EMB: variants seen among roughly 807,000 people sequenced by gnomAD.
EMB encodes the protein embigin homolog.
Under a neutral mutation model 41.4 loss-of-function variants are expected in EMB, and 31 were observed. The observed-to-expected ratio is 0.75, with a 90% CI of 0.56 to 1.01. The LOEUF (loss-of-function observed/expected upper bound fraction) is 1.01. Ranked by LOEUF, EMB falls within the 50% of genes least tolerant of loss-of-function variation. The pLI, the probability that EMB is intolerant of heterozygous loss-of-function variation, is 0.00. For missense variants in EMB, 379 were observed against 388.3 expected (o/e 0.98, Z 0.20); for synonymous variants, 137 against 140.4 (o/e 0.98, Z 0.17).
chr5:50,440,099 CAT>C (rs1321953165), intron 1 of EMB, among the ~76,000 whole-genome samples: 2 of 152,172 alleles, frequency 1.3e-5, no homozygotes, highest in Admixed American at 1.3e-4. Flanking sequence ...AAATCTCACA[CAT>C]ACACACACAC....
intron 2 of EMB, among the ~76,000 whole-genome samples, chr5:50,426,113 T>G (rs1021001123): frequency 2.6e-5 from 4 of 152,240 alleles, no homozygotes; most frequent in East Asian, 1.9e-4. Flanking sequence ...GATTTAATAA[T>G]GCTGTTAAAA....
chr5:50,428,113 A>G, intron 2 of EMB, 31 bp downstream of exon 2: 1 of 1,501,032 alleles, frequency 6.7e-7, no homozygotes, highest in Non-Finnish European at 9.1e-7. Flanking sequence ...CTTTTTTTCG[A>G]ATTGCATTAT....
At chr5:50,436,518 G>A (rs1184912366) in intron 1 of EMB, among the ~76,000 whole-genome samples, 2 of 152,114 alleles carry the variant, frequency 1.3e-5, no homozygotes, top group Non-Finnish European at 2.9e-5. Context: ...TCCATCGCTG[G>A]TCTGACCCTC....
At chr5:50,427,379 G>C (rs1745629314) in intron 2 of EMB, among the ~76,000 whole-genome samples, 1 of 151,926 alleles carries the variant, frequency 6.6e-6, no homozygotes, top group Non-Finnish European at 1.5e-5. Context: ...GAAGGCACTA[G>C]AGCAACAACC....
In EMB at chr5:50,433,971, C is replaced by T. The variant is rs189193176; in HGVS notation, c.113-5744G>A. On this transcript the variant is annotated intron_variant, in intron 1 of 8. Coordinates refer to ENST00000303221, the MANE Select transcript of EMB (RefSeq NM_198449.3). ...CTGTCTTTACATGATCATCCTCCCT[C>T]TGTATATGTCTCTGTCTCTGTTCAA... Among the ~76,000 whole-genome samples, 421 of 152,318 alleles carry T rather than the reference C, an allele frequency of 2.8e-3. 3 individuals carry two copies. Among genetic ancestry groups the T allele is most frequent in the African/African-American group, 9.4e-3 (390 of 41,564 alleles).
intron 7 of EMB, among the ~76,000 whole-genome samples, 153 bp downstream of exon 7, chr5:50,402,133 G>A (rs539085572): frequency 1.3e-5 from 2 of 152,050 alleles, no homozygotes; most frequent in Non-Finnish European, 2.9e-5. Flanking sequence ...ACGCAGGTAG[G>A]CAGACTTGGA....
upstream of EMB, chr5:50,441,294 A>T: frequency 4.7e-6 from 2 of 423,462 alleles, no homozygotes; most frequent in Admixed American, 4.5e-5. Context: ...AAAAGGCGGA[A>T]TGGGAGGGGC....
chr5:50,415,253 C>A (rs1745410513), intron 2 of EMB, among the ~76,000 whole-genome samples: 1 of 152,118 alleles, frequency 6.6e-6, no homozygotes, highest in Non-Finnish European at 1.5e-5. Flanking sequence ...TATCTAATTT[C>A]TCTTGGCCAG....
intron 1 of EMB, among the ~76,000 whole-genome samples, chr5:50,439,523 T>A (rs1745861218): frequency 6.6e-6 from 1 of 150,668 alleles, no homozygotes; most frequent in African/African-American, 2.5e-5. Context: ...GAAGGGACCT[T>A]GCTATGTTGC....
At chr5:50,413,189 C>T (rs1432427416) in intron 2 of EMB, among the ~76,000 whole-genome samples, 2 of 152,166 alleles carry the variant, frequency 1.3e-5, no homozygotes, top group South Asian at 2.1e-4. Flanking sequence ...GTATCACTGG[C>T]TAACCAAACA....
At chr5:50,434,116 T>C (rs974644987) in intron 1 of EMB, among the ~76,000 whole-genome samples, 3 of 152,216 alleles carry the variant, frequency 2.0e-5, no homozygotes, top group Admixed American at 6.5e-5. Context: ...AAGGTCACTT[T>C]CACAGGTACC....
rs1359821022 is a variant in EMB at position 50,411,290 on chromosome 5, T to C, written c.290A>G (p.Asn97Ser). The C allele has an allele frequency of 6.2e-7, 1 of 1,613,166 alleles. No homozygotes were observed. The highest frequency in any genetic ancestry group is 8.5e-7 in the Non-Finnish European group (1 of 1,179,506). Residue 97 changes from asparagine (N) to serine (S), a missense_variant, in exon 3 of 9, where the codon AAT (asparagine) becomes AGT (serine). Physicochemically the swap from Asn to Ser is conservative, Grantham distance 46. Transcript: ENST00000303221. ...TCQFTTSGDL[N>S]AVNVTWKKDG... The stretch of plus-strand genomic sequence containing the variant: ...TTTTTTCCAAGTCACATTTACTGCA[T>C]TCAAATCCCCAGATGTTGTGAACTG...
chr5:50,399,928 A>G lies in EMB; in HGVS notation c.912-15T>C, dbSNP rs1415750334. 1.9e-6 allele frequency: 3 copies of G among 1,590,758 alleles called. No homozygotes were observed. The highest frequency in any genetic ancestry group is 2.6e-6 in the Non-Finnish European group (3 of 1,166,248). ...CATCTGATTTCCTGCACAGAAAACAAAAAAGAAAATTACTAAATGCTTATA... is the reference window on the plus strand; with the variant it reads ...CATCTGATTTCCTGCACAGAAAACAGAAAAGAAAATTACTAAATGCTTATA... On this transcript the variant is annotated splice_polypyrimidine_tract_variant and intron_variant, in intron 7 of 8. Coordinates refer to ENST00000303221, the MANE Select transcript of EMB (RefSeq NM_198449.3).
intron 1 of EMB, among the ~76,000 whole-genome samples, chr5:50,431,086 C>T (rs1351795955): frequency 6.6e-6 from 1 of 152,208 alleles, no homozygotes; most frequent in African/African-American, 2.4e-5. Context: ...ATAAACCAAA[C>T]ACCACCAGTA....
intron 2 of EMB, among the ~76,000 whole-genome samples, chr5:50,426,761 A>G (rs1579739045): frequency 6.6e-6 from 1 of 152,248 alleles, no homozygotes; most frequent in African/African-American, 2.4e-5. Flanking sequence ...AAAACACTCC[A>G]TTTACAAATA....
chr5:50,443,203 T>A (rs1745944601), upstream of EMB: 1 of 152,146 alleles, frequency 6.6e-6, no homozygotes, highest in African/African-American at 2.4e-5. Flanking sequence ...TCAAAATTCA[T>A]CTCAGAGTAT....
At chr5:50,428,471 T>C (rs1175956110) in intron 1 of EMB, 33 of 1,134,758 alleles carry the variant, frequency 2.9e-5, no homozygotes, top group Non-Finnish European at 3.6e-5. Context: ...CAGATGGCTT[T>C]TTTTAAATAA....
Position 50,402,275 on chromosome 5 carries a change from A to G in EMB, c.911+11T>C, listed in dbSNP as rs1365697237. On this transcript the variant is annotated intron_variant, in intron 7 of 8. Transcript: ENST00000303221. The stretch of plus-strand genomic sequence containing the variant: ...CCAAGTGAAAATTAATCTGTAAAAA[A>G]TAATACTTACAGCTGTTCAATCTGC... 1 of 1,607,598 alleles carries G rather than the reference A, an allele frequency of 6.2e-7. No homozygotes were observed. Among genetic ancestry groups the G allele is most frequent in the Non-Finnish European group, 8.5e-7 (1 of 1,175,062 alleles).
chr5:50,401,813 C>T (rs1349366920), intron 7 of EMB, among the ~76,000 whole-genome samples: 3 of 151,866 alleles, frequency 2.0e-5, no homozygotes, highest in African/African-American at 7.2e-5. Context: ...TGCCATAGCC[C>T]CAACCCAAGA....
Sources: allele counts gnomAD v4.1 joint callset (sites outside exome capture counted in the v4.1 genomes callset), GRCh38; gene constraint gnomAD v4.1.1; transcripts MANE v1.5; gene names NCBI Gene and HGNC (gene_info 2026-07-23, HGNC 2026-07-21).